RAD51B: variants seen among roughly 807,000 people sequenced by gnomAD.
RAD51B encodes DNA repair protein RAD51 homolog 2.
In RAD51B, 38 loss-of-function variants were observed where a neutral mutation model predicts 42.2. The observed-to-expected ratio is 0.90, with a 90% CI of 0.70 to 1.18. The LOEUF is 1.18. Ranked by LOEUF, RAD51B falls within the 50% of genes most tolerant of loss-of-function variation. RAD51B has a pLI of 0.00. For missense variants in RAD51B, 373 were observed against 400.7 expected, an observed-to-expected ratio of 0.93 and a Z score of 0.59; for synonymous variants, 154 against 145.2, an observed-to-expected ratio of 1.06 and a Z score of -0.43.
chr14:68,468,548 T>A (rs892618260), intron 10 of RAD51B: 2 of 409,716 alleles, frequency 4.9e-6, no homozygotes, highest in Admixed American at 6.6e-5. Context: ...CCCATTCCTC[T>A]TTGCAGATCC....
chr14:68,255,009 C>T (rs1430199630), intron 7 of RAD51B, among the ~76,000 whole-genome samples: 1 of 152,120 alleles, frequency 6.6e-6, no homozygotes, highest in Non-Finnish European at 1.5e-5. Flanking sequence ...CTCTTTTTCT[C>T]CATCTCCTTT....
chr14:68,391,918 C>T (rs866032687), intron 8 of RAD51B, among the ~76,000 whole-genome samples: 6 of 152,278 alleles, frequency 3.9e-5, no homozygotes, highest in East Asian at 1.9e-4. Context: ...ATTCTGGTTG[C>T]GGGGGCTGCT....
chr14:68,411,174 G>GAT (rs1287338510), intron 8 of RAD51B, among the ~76,000 whole-genome samples: 1 of 152,118 alleles, frequency 6.6e-6, no homozygotes, highest in African/African-American at 2.4e-5. Flanking sequence ...ACCTCTTTTT[G>GAT]ATATATAACT....
chr14:68,338,695 A>AT (rs1278859630), intron 8 of RAD51B: 2 of 260,526 alleles, frequency 7.7e-6, no homozygotes, highest in Admixed American at 9.7e-5. Flanking sequence ...TATTTTAATT[A>AT]TTTTTATGGA....
intron 10 of RAD51B, among the ~76,000 whole-genome samples, chr14:68,537,417 T>G (rs1233190379): frequency 1.3e-5 from 2 of 151,028 alleles, no homozygotes; most frequent in African/African-American, 4.9e-5. Flanking sequence ...GAGAGTGGCA[T>G]GAACCCAGGA....
At chr14:67,879,166 A>T (rs1162263418) in intron 5 of RAD51B, among the ~76,000 whole-genome samples, 1 of 152,224 alleles carries the variant, frequency 6.6e-6, no homozygotes, top group Non-Finnish European at 1.5e-5. Flanking sequence ...GGCAGGCTAG[A>T]ACTCTCAGGC....
rs184918310 is a variant in RAD51B, at chr14:67,965,204, G to T, written c.756+78000G>T. On this transcript the variant is annotated intron_variant, in intron 7 of 10. Coordinates refer to ENST00000471583, the MANE Select transcript of RAD51B (RefSeq NM_133510.4). ...TCCTATATCCTCTGTCTTCATTAGT[G>T]GCCTCTCCATCCTCTCAGCTGGAAA... 1.2e-4 allele frequency among the ~76,000 whole-genome samples: 18 copies of T among 152,100 alleles called. No individual in the cohort carries two copies. In the East Asian group the frequency reaches 3.3e-3, roughly 28 times the overall value.
intron 7 of RAD51B, among the ~76,000 whole-genome samples, chr14:68,261,664 G>A (rs111741860): frequency 3.9e-5 from 6 of 152,142 alleles, no homozygotes; most frequent in African/African-American, 1.2e-4. Context: ...AATTTTGACC[G>A]CGTAAAATTT....
intron 9 of RAD51B, among the ~76,000 whole-genome samples, chr14:68,412,159 A>C (rs1254859537): frequency 6.6e-6 from 1 of 152,164 alleles, no homozygotes; most frequent in East Asian, 1.9e-4. Flanking sequence ...TTCATTCTTC[A>C]TTCCAAAGAA....
At chr14:67,906,076 A>G (rs1389720957) in intron 7 of RAD51B, among the ~76,000 whole-genome samples, 1 of 152,002 alleles carries the variant, frequency 6.6e-6, no homozygotes, top group Non-Finnish European at 1.5e-5. Context: ...TTTCTTCAGT[A>G]CCTAGTTTAT....
At position 68,338,904 on chromosome 14, in the gene RAD51B, T is replaced by A. The variant is rs924631120; in HGVS notation, c.853+46924T>A. On this transcript the variant is annotated intron_variant, in intron 8 of 10. Transcript: ENST00000471583. ...AGCCAAAGCTCCTTTGTCTTCCGAGTTAACCTTTGTGAAGACAACAGTGGT... is the reference window on the plus strand; with the variant it reads ...AGCCAAAGCTCCTTTGTCTTCCGAGATAACCTTTGTGAAGACAACAGTGGT... 9.2e-6 allele frequency: 6 copies of A among 651,610 alleles called. No individual in the cohort carries two copies. The Admixed American group carries it at 9.3e-5, about 10-fold the overall frequency. The allele number at this position is 651,610 out of a possible 1,614,324, so 40.4% of individuals were successfully genotyped here. A position where few individuals can be genotyped will look rare whatever the true frequency, so the allele number is the denominator to read the frequency against.
chr14:68,023,915 T>C (rs895954241), intron 7 of RAD51B, among the ~76,000 whole-genome samples: 1 of 152,208 alleles, frequency 6.6e-6, no homozygotes, highest in Non-Finnish European at 1.5e-5. Flanking sequence ...CTAAAACTTC[T>C]TTGCCCAGGT....
At chr14:68,126,691 C>T (rs544226435) in intron 7 of RAD51B, among the ~76,000 whole-genome samples, 20 of 152,272 alleles carry the variant, frequency 1.3e-4, no homozygotes, top group African/African-American at 4.6e-4. Flanking sequence ...AAAATGGATT[C>T]TTCTGCAATT....
At chr14:68,470,964 C>T (rs1444518149) in intron 10 of RAD51B, among the ~76,000 whole-genome samples, 4 of 152,176 alleles carry the variant, frequency 2.6e-5, no homozygotes, top group African/African-American at 9.7e-5. Flanking sequence ...TACCACATGA[C>T]CAAACTAAAA....
chr14:68,509,199 T>C (rs899818119), intron 10 of RAD51B, among the ~76,000 whole-genome samples: 1 of 152,226 alleles, frequency 6.6e-6, no homozygotes, highest in African/African-American at 2.4e-5. Context: ...TCTCTGATAG[T>C]GCTATGTTTT....
chr14:68,190,031 T>C lies in RAD51B; in HGVS notation c.757-101853T>C, dbSNP rs1245034751. Among the ~76,000 whole-genome samples the C allele has an allele frequency of 2.0e-5, 3 of 152,324 alleles. No individual in the cohort carries two copies. In the East Asian group the frequency reaches 5.8e-4, roughly 29 times the overall value. ...ATGCTTTTTACCATTGCTAAAGAAGTGGAATGATTTCAAATTAATTTCAAA... is the reference window on the plus strand; with the variant it reads ...ATGCTTTTTACCATTGCTAAAGAAGCGGAATGATTTCAAATTAATTTCAAA... On this transcript the variant is annotated intron_variant, in intron 7 of 10. Coordinates refer to ENST00000471583, the MANE Select transcript of RAD51B (RefSeq NM_133510.4).
chr14:68,474,975 A>G (rs1479647173), intron 10 of RAD51B, among the ~76,000 whole-genome samples: 1 of 152,170 alleles, frequency 6.6e-6, no homozygotes, highest in East Asian at 1.9e-4. Flanking sequence ...AGCCCAGGCC[A>G]TTGACTTTTT....
At chr14:68,522,696 G>T (rs1886665565) in intron 10 of RAD51B, among the ~76,000 whole-genome samples, 1 of 152,188 alleles carries the variant, frequency 6.6e-6, no homozygotes, top group African/African-American at 2.4e-5. Flanking sequence ...GCTCTGGATA[G>T]AAGAGAAAAG....
At chr14:68,251,744 C>T (rs1481649069) in intron 7 of RAD51B, among the ~76,000 whole-genome samples, 1 of 152,186 alleles carries the variant, frequency 6.6e-6, no homozygotes, top group Non-Finnish European at 1.5e-5. Context: ...TTTTCCATCT[C>T]AGCCCTTGTC....
Sources: gnomAD v4.1 joint callset for allele counts (sites outside exome capture counted in the v4.1 genomes callset) on GRCh38, gnomAD v4.1.1 for gene constraint, MANE v1.5 for transcripts, NCBI Gene and HGNC (gene_info 2026-07-23, HGNC 2026-07-21) for gene names.